Variants in TET3 observed in about 807,000 individuals in gnomAD.
TET3 encodes the protein methylcytosine dioxygenase TET3.
In TET3, 19 loss-of-function variants were observed where a neutral mutation model predicts 141.4. The ratio of observed to expected loss-of-function variants is 0.13; its 90% CI spans 0.09 to 0.20. TET3 has a LOEUF of 0.20. Among genes scored for constraint, TET3 ranks in the 10% least tolerant of loss-of-function variants. The pLI is 1.00. For synonymous variants in TET3, 1,043 were observed against 980.9 expected, an observed-to-expected ratio of 1.06 and a Z score of -1.18; for missense variants, 1,874 against 2,356.9, an observed-to-expected ratio of 0.80 and a Z score of 4.24.
At chr2:74,090,434 G>GTGGGCCATCC (rs1437425373) in intron 8 of TET3, among the ~76,000 whole-genome samples, 7 of 152,232 alleles carry the variant, frequency 4.6e-5, no homozygotes, top group African/African-American at 1.7e-4. Context: ...TCTCCCGCAT[G>GTGGGCCATCC]TGGGCCATCC....
At chr2:74,019,630 A>C (rs925141100) in intron 3 of TET3, among the ~76,000 whole-genome samples, 20 of 152,208 alleles carry the variant, frequency 1.3e-4, no homozygotes, top group Non-Finnish European at 2.8e-4. Context: ...CCGTGGCATC[A>C]GATTGATGAG....
At chr2:74,055,345 C>T (rs1688158388) in intron 4 of TET3, among the ~76,000 whole-genome samples, 1 of 152,178 alleles carries the variant, frequency 6.6e-6, no homozygotes, top group Non-Finnish European at 1.5e-5. Flanking sequence ...GATCTCCTTA[C>T]CTTTAATGTT....
chr2:74,003,023 C>T, intron 2 of TET3, 87 bp from the exon 3 acceptor site: 1 of 1,465,938 alleles, frequency 6.8e-7, no homozygotes, highest in South Asian at 1.2e-5. Context: ...TTCTTCCCCT[C>T]CGGCCGGGCT....
At chr2:74,006,563 G>T (rs1224571718) in intron 3 of TET3, among the ~76,000 whole-genome samples, 2 of 152,176 alleles carry the variant, frequency 1.3e-5, no homozygotes, top group Non-Finnish European at 2.9e-5. Flanking sequence ...GTGAGGAGGG[G>T]CCTGGGCACT....
the TET3 span, among the ~76,000 whole-genome samples, chr2:74,124,028 A>G: frequency 0.26 from 33,191 of 128,954 alleles, 4,191 homozygotes; most frequent in East Asian, 0.52. Flanking sequence ...CCCGGCAGCC[A>G]CCCCGTCTGG....
the TET3 span, among the ~76,000 whole-genome samples, chr2:74,115,045 A>C: frequency 6.6e-6 from 1 of 152,010 alleles, no homozygotes; most frequent in South Asian, 2.1e-4. Context: ...TGGTCTAGGA[A>C]AATATTTTAT....
At chr2:74,038,839 G>A (rs1687199157) in intron 3 of TET3, among the ~76,000 whole-genome samples, 3 of 152,172 alleles carry the variant, frequency 2.0e-5, no homozygotes, top group Admixed American at 6.5e-5. Flanking sequence ...GGCTGTGCAC[G>A]GTAACTGTAG....
chr2:73,999,599 T>TCC (rs1252172871), intron 2 of TET3, among the ~76,000 whole-genome samples: 3 of 151,862 alleles, frequency 2.0e-5, no homozygotes, highest in Non-Finnish European at 4.4e-5. Flanking sequence ...CATTCACCTC[T>TCC]CCAGTGGGGA....
chr2:73,987,139 T>C (rs1045524462), intron 2 of TET3, among the ~76,000 whole-genome samples: 1 of 152,186 alleles, frequency 6.6e-6, no homozygotes, highest in Non-Finnish European at 1.5e-5. Flanking sequence ...GATGCCCTGA[T>C]GGAGTGGGAT....
intron 4 of TET3, among the ~76,000 whole-genome samples, chr2:74,057,091 C>A (rs1688260499): frequency 6.6e-6 from 1 of 152,100 alleles, no homozygotes; most frequent in Non-Finnish European, 1.5e-5. Flanking sequence ...GAAATCATAT[C>A]CTAAGAGCTG....
At chr2:74,059,484 A>T (rs931608606) in intron 4 of TET3, among the ~76,000 whole-genome samples, 2 of 152,100 alleles carry the variant, frequency 1.3e-5, no homozygotes, top group Non-Finnish European at 2.9e-5. Flanking sequence ...GGAACTCCTG[A>T]CCTGAGGTGA....
chr2:74,097,270 A>G lies in TET3; in HGVS notation c.3268-2006A>G, dbSNP rs1690908142. Among the ~76,000 whole-genome samples, 8 of 151,268 alleles carry G rather than the reference A, an allele frequency of 5.3e-5. 1 individual carries two copies. The South Asian group carries it at 1.5e-3, about 28-fold the overall frequency. ...CTGGGTAGTCATCTAAACACTAACAATGACTAATAATTCACAGAGCTCCAA... is the reference window on the plus strand; with the variant it reads ...CTGGGTAGTCATCTAAACACTAACAGTGACTAATAATTCACAGAGCTCCAA... On this transcript the variant is annotated intron_variant, in intron 10 of 11. Coordinates refer to ENST00000409262, the MANE Select transcript of TET3 (RefSeq NM_001287491.2).
chr2:73,998,108 A>G (rs1684681314), intron 2 of TET3, among the ~76,000 whole-genome samples: 1 of 152,144 alleles, frequency 6.6e-6, no homozygotes, highest in Non-Finnish European at 1.5e-5. Context: ...ATTGCTGGGT[A>G]CCGCGTGAGA....
intron 5 of TET3, 21 bp downstream of exon 5, chr2:74,073,660 C>T: frequency 1.3e-6 from 2 of 1,579,356 alleles, no homozygotes; most frequent in Non-Finnish European, 1.7e-6. Context: ...CACAGATGTC[C>T]AAGGAGAAAT....
At chr2:74,036,430 G>A (rs1687060236) in intron 3 of TET3, among the ~76,000 whole-genome samples, 1 of 152,174 alleles carries the variant, frequency 6.6e-6, no homozygotes, top group Non-Finnish European at 1.5e-5. Context: ...CTATTGTTGG[G>A]GCACTCAGGT....
intron 3 of TET3, among the ~76,000 whole-genome samples, chr2:74,020,093 C>G (rs1468635555): frequency 6.6e-6 from 1 of 152,216 alleles, no homozygotes; most frequent in African/African-American, 2.4e-5. Flanking sequence ...TTTTCTTCTA[C>G]TATTCTCCTC....
At chr2:74,059,423 T>C (rs887196811) in intron 4 of TET3, among the ~76,000 whole-genome samples, 2 of 151,254 alleles carry the variant, frequency 1.3e-5, no homozygotes, top group South Asian at 4.2e-4. Flanking sequence ...TGGCTAACTT[T>C]TGTATTTTTT....
chr2:74,063,450 T>A (rs955311273), intron 4 of TET3, among the ~76,000 whole-genome samples: 2 of 152,238 alleles, frequency 1.3e-5, no homozygotes, highest in African/African-American at 4.8e-5. Context: ...TTGTGTAAGT[T>A]AATTTTTCAT....
chr2:74,042,432 T>G (rs1687387085), intron 3 of TET3, among the ~76,000 whole-genome samples: 1 of 152,244 alleles, frequency 6.6e-6, no homozygotes, highest in Non-Finnish European at 1.5e-5. Context: ...CAGACATAGT[T>G]GCCCATAGAA....
Sources: gnomAD v4.1 joint callset for allele counts (sites outside exome capture counted in the v4.1 genomes callset) on GRCh38, gnomAD v4.1.1 for gene constraint, MANE v1.5 for transcripts, NCBI Gene and HGNC (gene_info 2026-07-23, HGNC 2026-07-21) for gene names.